Variants in DNAH11 observed in about 807,000 individuals in gnomAD.
DNAH11 encodes axonemal beta dynein heavy chain 11.
DNAH11 carries 442 observed loss-of-function variants against 526.0 expected under a neutral mutation model. The ratio of observed to expected loss-of-function variants is 0.84; its 90% CI spans 0.78 to 0.91. DNAH11 has a LOEUF of 0.91. DNAH11 is among the 40% of genes least tolerant of loss of function. The pLI is 0.00. For synonymous variants in DNAH11, 2,461 were observed against 1,935.9 expected (o/e 1.27, Z -7.12); for missense variants, 6,989 against 5,448.7 (o/e 1.28, Z -8.90).
At chr7:21,802,208 C>A (rs1291831445) in intron 62 of DNAH11, among the ~76,000 whole-genome samples, 1 of 152,122 alleles carries the variant, frequency 6.6e-6, no homozygotes, top group Non-Finnish European at 1.5e-5. Context: ...AAAAGATATG[C>A]AGATAGCCAG....
intron 42 of DNAH11, among the ~76,000 whole-genome samples, chr7:21,715,938 C>G (rs1207721529): frequency 6.7e-6 from 1 of 149,490 alleles, no homozygotes; most frequent in Non-Finnish European, 1.5e-5. Context: ...TGACTTTTTT[C>G]TGGAGCACCT....
intron 54 of DNAH11, 95 bp downstream of exon 54, chr7:21,750,459 A>C (rs1473133664): frequency 6.8e-7 from 1 of 1,479,424 alleles, no homozygotes; most frequent in South Asian, 1.3e-5. Context: ...TTTGAATTTC[A>C]GTCATGCATT....
At chr7:21,703,225 G>T (rs1784134590) in intron 37 of DNAH11, among the ~76,000 whole-genome samples, 1 of 152,150 alleles carries the variant, frequency 6.6e-6, no homozygotes, top group Admixed American at 6.5e-5. Flanking sequence ...AACAGGAAGG[G>T]TGGGTGCCTG....
At chr7:21,811,664 G>A (rs1789529426) in intron 63 of DNAH11, among the ~76,000 whole-genome samples, 1 of 152,158 alleles carries the variant, frequency 6.6e-6, no homozygotes, top group South Asian at 2.1e-4. Context: ...GTACAACAAT[G>A]TGAATGTACT....
chr7:21,796,986 G>A (rs897743019), intron 61 of DNAH11, among the ~76,000 whole-genome samples: 6 of 151,906 alleles, frequency 3.9e-5, no homozygotes, highest in African/African-American at 1.5e-4. Flanking sequence ...AAATGGTAGA[G>A]AAGAACAAAG....
intron 25 of DNAH11, among the ~76,000 whole-genome samples, chr7:21,630,277 A>C (rs1161749418): frequency 1.3e-5 from 2 of 152,072 alleles, no homozygotes; most frequent in Non-Finnish European, 1.5e-5. Context: ...TCTATCTCTT[A>C]ACCGTTTGCT....
chr7:21,740,562 A>G (rs181983261), intron 48 of DNAH11, among the ~76,000 whole-genome samples: 3 of 152,256 alleles, frequency 2.0e-5, no homozygotes, highest in East Asian at 1.9e-4. Context: ...TTTCTTTCCT[A>G]TGTAAGACCG....
chr7:21,755,197 G>C (rs527641272), intron 54 of DNAH11, among the ~76,000 whole-genome samples: 5 of 152,140 alleles, frequency 3.3e-5, no homozygotes, highest in Non-Finnish European at 2.9e-5. Context: ...AATGCCAGAG[G>C]GCAGTTCCCA....
intron 28 of DNAH11, among the ~76,000 whole-genome samples, chr7:21,655,418 T>C (rs1326685959): frequency 1.3e-5 from 2 of 152,218 alleles, no homozygotes; most frequent in Admixed American, 1.3e-4. Context: ...TTCTTTCTAA[T>C]TGACATTTTT....
chr7:21,548,406 C>T (rs1782886391), intron 2 of DNAH11, among the ~76,000 whole-genome samples: 1 of 152,072 alleles, frequency 6.6e-6, no homozygotes, highest in Admixed American at 6.5e-5. Context: ...AATAGTTGAC[C>T]ACCAAAAGAG....
chr7:21,770,261 G>T (rs1787376402), intron 55 of DNAH11, among the ~76,000 whole-genome samples: 1 of 152,116 alleles, frequency 6.6e-6, no homozygotes, highest in Admixed American at 6.5e-5. Context: ...TCATGGGGAT[G>T]GGACCCAAAT....
intron 45 of DNAH11, among the ~76,000 whole-genome samples, chr7:21,728,725 G>A (rs1431995894): frequency 6.6e-6 from 1 of 152,208 alleles, no homozygotes; most frequent in Non-Finnish European, 1.5e-5. Flanking sequence ...TACAAAACCA[G>A]AGAAGTTACC....
At chr7:21,612,918 G>A (rs1175894928) in intron 20 of DNAH11, among the ~76,000 whole-genome samples, 4 of 152,078 alleles carry the variant, frequency 2.6e-5, no homozygotes, top group South Asian at 2.1e-4. Context: ...TGATTATCGC[G>A]AGAAATGCCA....
rs115404223 is a variant in DNAH11 at position 21,745,526 on chromosome 7, G to A, written c.8510+463G>A. On this transcript the variant is annotated intron_variant, in intron 51 of 81. Transcript: ENST00000409508. ...ATAGAGCATGGCTGACAAGGTTCTC[G>A]CTCACCTCCTAGACCTGGTACCTCA... Among the ~76,000 whole-genome samples, 473 of 152,250 alleles carry A rather than the reference G, an allele frequency of 3.1e-3. 4 individuals are homozygous for A. Among genetic ancestry groups the A allele is most frequent in the African/African-American group, 0.011 (449 of 41,540 alleles).
At chr7:21,699,317 G>A (rs1783972283) in intron 36 of DNAH11, among the ~76,000 whole-genome samples, 2 of 152,072 alleles carry the variant, frequency 1.3e-5, no homozygotes, top group Non-Finnish European at 2.9e-5. Flanking sequence ...CCAATCATAA[G>A]CTTCTTGAAG....
rs528798542 is a variant in DNAH11, at chr7:21,848,649, G to C, written c.10897-3818G>C. On this transcript the variant is annotated intron_variant, in intron 66 of 81. Transcript: ENST00000409508. Reference sequence around the variant, plus strand: ...GCTCTCTCTCTCTGTATATATAGCTGTAATATTTATATATTACAACATGAT... The same window carrying C: ...GCTCTCTCTCTCTGTATATATAGCTCTAATATTTATATATTACAACATGAT... Among the ~76,000 whole-genome samples the C allele has an allele frequency of 2.0e-5, 3 of 152,040 alleles. No homozygotes were observed. The East Asian group carries it at 5.8e-4, about 29-fold the overall frequency.
Position 21,691,136 on chromosome 7 carries a change from C to A in DNAH11, c.6041+255C>A, listed in dbSNP as rs191090409. On this transcript the variant is annotated intron_variant, in intron 35 of 81. Coordinates refer to ENST00000409508, the MANE Select transcript of DNAH11 (RefSeq NM_001277115.2). ...ATTTACTGTTAGCTATTTTGTAATG[C>A]ATATTTTTATTATAAACATAATCTT... Among the ~76,000 whole-genome samples the A allele has an allele frequency of 1.4e-3, 210 of 150,954 alleles. 1 individual carries two copies. Among genetic ancestry groups the A allele is most frequent in the Middle Eastern group, 0.01 (3 of 290 alleles).
Position 21,864,558 on chromosome 7 carries a change from A to T in DNAH11, c.11397A>T (p.Ile3799=). ...AFQILLRKKE[I]DPLELDFLLR... Reference sequence around the variant, plus strand: ...AGATTTTGTTGAGAAAGAAAGAGATAGACCCTCTTGAATTGGATTTCCTGC... The same window carrying T: ...AGATTTTGTTGAGAAAGAAAGAGATTGACCCTCTTGAATTGGATTTCCTGC... Residue 3799 remains isoleucine (I), a synonymous_variant, in exon 70 of 82, where the codon ATA becomes ATT. Coordinates refer to ENST00000409508, the MANE Select transcript of DNAH11 (RefSeq NM_001277115.2). 2 of 1,611,938 alleles carry T rather than the reference A, an allele frequency of 1.2e-6. No individual in the cohort carries two copies. Among genetic ancestry groups the T allele is most frequent in the Admixed American group, 1.7e-5 (1 of 59,790 alleles).
At chr7:21,835,223 CAA>C (rs201863939) in intron 65 of DNAH11, among the ~76,000 whole-genome samples, 8 of 87,542 alleles carry the variant, frequency 9.1e-5, no homozygotes, top group East Asian at 6.2e-4. Context: ...CAGACTATTC[CAA>C]AAAAAAAAAA....
Sources: allele counts gnomAD v4.1 joint callset (sites outside exome capture counted in the v4.1 genomes callset), GRCh38; gene constraint gnomAD v4.1.1; transcripts MANE v1.5; gene names NCBI Gene and HGNC (gene_info 2026-07-23, HGNC 2026-07-21).